The following PCDH15 variants were observed in gnomAD, a reference collection of about 807,000 sequenced individuals.
PCDH15 encodes protocadherin-15.
In PCDH15, 129 loss-of-function variants were observed where a neutral mutation model predicts 178.5. The observed-to-expected ratio is 0.72, with a 90% CI of 0.63 to 0.84. The LOEUF (loss-of-function observed/expected upper bound fraction) is 0.84, where lower values mean the gene tolerates loss of function less well. PCDH15 is among the 40% of genes least tolerant of loss of function. The pLI, the probability that PCDH15 is intolerant of heterozygous loss-of-function variation, is 0.00. For missense variants in PCDH15, 2,230 were observed against 2,099.9 expected, an observed-to-expected ratio of 1.06 and a Z score of -1.21; for synonymous variants, 800 against 732.0, an observed-to-expected ratio of 1.09 and a Z score of -1.50.
At chr10:53,930,167 C>T (rs2084918890) in intron 25 of PCDH15, among the ~76,000 whole-genome samples, 1 of 152,110 alleles carries the variant, frequency 6.6e-6, no homozygotes, top group South Asian at 2.1e-4. Flanking sequence ...TTAGAAATAG[C>T]AACGCATTCG....
At chr10:55,414,067 T>C (rs997446024) in intron 2 of PCDH15, among the ~76,000 whole-genome samples, 2 of 151,600 alleles carry the variant, frequency 1.3e-5, no homozygotes, top group South Asian at 4.1e-4. Flanking sequence ...TATTTTAAAA[T>C]AGGAAAAAGT....
intron 3 of PCDH15, among the ~76,000 whole-genome samples, chr10:54,395,250 G>T (rs1951053999): frequency 6.6e-6 from 1 of 152,010 alleles, no homozygotes; most frequent in Admixed American, 6.6e-5. Context: ...AATTATAAAA[G>T]TATTAATTTG....
intron 2 of PCDH15, among the ~76,000 whole-genome samples, chr10:55,009,141 A>C (rs573883414): frequency 1.3e-5 from 2 of 152,118 alleles, no homozygotes; most frequent in African/African-American, 2.4e-5. Flanking sequence ...TTCAAACTTC[A>C]TGTTATCCCT....
chr10:54,883,780 C>A (rs1954304745), intron 3 of PCDH15, among the ~76,000 whole-genome samples: 1 of 151,890 alleles, frequency 6.6e-6, no homozygotes, highest in Non-Finnish European at 1.5e-5. Flanking sequence ...ATTTTTCAGT[C>A]ATGATTTTCT....
intron 18 of PCDH15, among the ~76,000 whole-genome samples, chr10:54,025,109 T>C (rs2093042827): frequency 6.6e-6 from 1 of 152,198 alleles, no homozygotes; most frequent in Admixed American, 6.5e-5. Context: ...GTAGAATGGC[T>C]CAATTTGACT....
At chr10:53,944,562 G>A (rs182312441) in intron 23 of PCDH15, among the ~76,000 whole-genome samples, 41 of 152,016 alleles carry the variant, frequency 2.7e-4, no homozygotes, top group African/African-American at 5.8e-4. Flanking sequence ...TAAGCTTTTC[G>A]CACCTGATTT....
rs59787759 is a variant in PCDH15 at position 55,467,373 on chromosome 10, C to CTTTTTTTT, written c.-156+160244_-156+160251dup. 2.3e-5 allele frequency among the ~76,000 whole-genome samples: 2 copies of CTTTTTTTT among 87,770 alleles called. 1 individual carries two copies. Among genetic ancestry groups the CTTTTTTTT allele is most frequent in the African/African-American group, 7.6e-5 (2 of 26,456 alleles). 57.6% of individuals were successfully genotyped at this position (87,770 alleles called of 152,430 possible). On this transcript the variant is annotated intron_variant, in intron 2 of 5. Transcript: ENST00000613346. ...AAAGAAAAGCCTGATCTTGGCCTGA[C>CTTTTTTTT]TTTTTTTTTTTTTTTTTTTTAACTA...
chr10:55,533,144 A>G (rs947074793), intron 2 of PCDH15, among the ~76,000 whole-genome samples: 3 of 152,182 alleles, frequency 2.0e-5, no homozygotes, highest in African/African-American at 7.2e-5. Context: ...CAAAAGCTGA[A>G]AGCACTCGCC....
intron 15 of PCDH15, among the ~76,000 whole-genome samples, chr10:54,097,878 G>C (rs1197821798): frequency 1.3e-5 from 2 of 152,064 alleles, no homozygotes; most frequent in Non-Finnish European, 2.9e-5. Context: ...GGACATTCTG[G>C]CTTCTCCCTG....
chr10:54,741,649 T>A (rs1944820552), intron 1 of PCDH15, among the ~76,000 whole-genome samples: 1 of 152,032 alleles, frequency 6.6e-6, no homozygotes, highest in Admixed American at 6.6e-5. Context: ...ATCTGTAGGC[T>A]TGAGGCAGAA....
intron 2 of PCDH15, among the ~76,000 whole-genome samples, chr10:55,581,788 A>G (rs1321321357): frequency 6.6e-6 from 1 of 152,138 alleles, no homozygotes; most frequent in Non-Finnish European, 1.5e-5. Context: ...GAAATCCACT[A>G]AAGTCTAACA....
chr10:54,383,621 G>A (rs542684020), intron 3 of PCDH15, among the ~76,000 whole-genome samples: 31 of 91,168 alleles, frequency 3.4e-4, no homozygotes, highest in Admixed American at 4.2e-4. Context: ...TGCCGTGTAT[G>A]TGTGTTTTTG....
chr10:54,655,330 AAGAG>A (rs146479490), intron 2 of PCDH15, among the ~76,000 whole-genome samples: 3,417 of 86,596 alleles, frequency 0.039, 154 homozygotes, highest in African/African-American at 0.12. Flanking sequence ...GAAAGAGAGA[AAGAG>A]AGAAAGAAAG....
chr10:55,460,817 T>C (rs1056425467), intron 2 of PCDH15, among the ~76,000 whole-genome samples: 2 of 152,084 alleles, frequency 1.3e-5, no homozygotes, highest in Admixed American at 1.3e-4. Flanking sequence ...GCTGGATATT[T>C]TTCTCTCATA....
intron 1 of PCDH15, among the ~76,000 whole-genome samples, chr10:55,181,428 T>C (rs1839643711): frequency 6.6e-6 from 1 of 152,028 alleles, no homozygotes; most frequent in African/African-American, 2.4e-5. Context: ...ATTGTGATGA[T>C]ACATTGGGTC....
At chr10:55,284,402 A>G (rs2132260746) in intron 1 of PCDH15, among the ~76,000 whole-genome samples, 1 of 152,222 alleles carries the variant, frequency 6.6e-6, no homozygotes, top group African/African-American at 2.4e-5. Flanking sequence ...CAGTGTTTTC[A>G]CAGGGATTTG....
intron 18 of PCDH15, among the ~76,000 whole-genome samples, chr10:54,062,771 G>A (rs1000695693): frequency 3.3e-4 from 23 of 70,146 alleles, no homozygotes; most frequent in Admixed American, 1.8e-3. Context: ...TAGGAAAAGC[G>A]GGAAAAAAAA....
intron 15 of PCDH15, among the ~76,000 whole-genome samples, chr10:54,113,190 A>G (rs936800402): frequency 3.3e-5 from 5 of 152,230 alleles, no homozygotes; most frequent in Admixed American, 3.3e-4. Context: ...TATGTATAAC[A>G]ATAACAATAG....
upstream of PCDH15, among the ~76,000 whole-genome samples, chr10:54,804,064 G>A (rs542056080): frequency 2.0e-5 from 3 of 151,660 alleles, no homozygotes; most frequent in East Asian, 5.8e-4. Flanking sequence ...TTTTGAGATG[G>A]AGTCTTGCTC....
Sources: gnomAD v4.1 joint callset for allele counts (sites outside exome capture counted in the v4.1 genomes callset) on GRCh38, gnomAD v4.1.1 for gene constraint, MANE v1.5 for transcripts, NCBI Gene and HGNC (gene_info 2026-07-23, HGNC 2026-07-21) for gene names.